The following FNDC3B variants were observed in gnomAD, a reference collection of about 807,000 sequenced individuals.
The protein encoded by FNDC3B is fibronectin type III domain containing 3B.
In FNDC3B, 12 loss-of-function variants were observed where a neutral mutation model predicts 151.5. The ratio of observed to expected loss-of-function variants is 0.08; its 90% CI spans 0.05 to 0.13. The LOEUF (loss-of-function observed/expected upper bound fraction) is 0.13, where lower values mean the gene tolerates loss of function less well. FNDC3B is among the 10% of genes least tolerant of loss of function. The probability of loss-of-function intolerance (pLI) is 1.00; values close to 1 mark genes in which losing one functional copy is unlikely to be tolerated. For synonymous variants in FNDC3B, 528 were observed against 549.0 expected (o/e 0.96, Z 0.54); for missense variants, 1,214 against 1,505.3 (o/e 0.81, Z 3.20).
At chr3:172,317,237 G>C (rs769275327) in intron 11 of FNDC3B, 47 of 429,306 alleles carry the variant, frequency 1.1e-4, no homozygotes, top group South Asian at 7.4e-4. Context: ...AGGCTGGAGT[G>C]CAGTGGTGCG....
intron 25 of FNDC3B, among the ~76,000 whole-genome samples, chr3:172,385,342 G>T (rs949602538): frequency 6.6e-6 from 1 of 152,126 alleles, no homozygotes; most frequent in African/African-American, 2.4e-5. Context: ...GCACTAATCA[G>T]ACAGGACCCA....
At chr3:172,243,212 C>T (rs1005408764) in intron 4 of FNDC3B, among the ~76,000 whole-genome samples, 1 of 152,204 alleles carries the variant, frequency 6.6e-6, no homozygotes, top group African/African-American at 2.4e-5. Context: ...TCTTCTGAGC[C>T]CTCCAAATTG....
chr3:172,245,387 C>G (rs570575195), intron 4 of FNDC3B, among the ~76,000 whole-genome samples: 3 of 152,052 alleles, frequency 2.0e-5, no homozygotes, highest in Non-Finnish European at 4.4e-5. Flanking sequence ...CTCTAGAAAA[C>G]AAGTACTTTA....
intron 2 of FNDC3B, among the ~76,000 whole-genome samples, chr3:172,115,947 T>C (rs1054304998): frequency 2.0e-5 from 3 of 152,198 alleles, no homozygotes; most frequent in South Asian, 2.1e-4. Flanking sequence ...CCCTCCTCCT[T>C]CTGATTTCTG....
At chr3:172,298,140 C>A (rs1730733691) in intron 8 of FNDC3B, among the ~76,000 whole-genome samples, 1 of 152,160 alleles carries the variant, frequency 6.6e-6, no homozygotes, top group Admixed American at 6.5e-5. Context: ...TGCACACACA[C>A]CTTTAACCTT....
At chr3:172,396,791 C>A (rs1357706548) in intron 25 of FNDC3B, among the ~76,000 whole-genome samples, 1 of 152,218 alleles carries the variant, frequency 6.6e-6, no homozygotes, top group Admixed American at 6.5e-5. Context: ...CTACCCCTGT[C>A]CGTGGAAAAC....
chr3:172,191,565 T>C (rs1463100776), intron 3 of FNDC3B, among the ~76,000 whole-genome samples: 1 of 152,136 alleles, frequency 6.6e-6, no homozygotes, highest in Non-Finnish European at 1.5e-5. Flanking sequence ...GGTGTGATGA[T>C]GGCTCACTGC....
intron 6 of FNDC3B, among the ~76,000 whole-genome samples, chr3:172,269,999 T>C (rs563480839): frequency 7.2e-5 from 11 of 152,358 alleles, no homozygotes; most frequent in African/African-American, 2.6e-4. Flanking sequence ...TCTTAGTCAC[T>C]TGAGTGGCAA....
At chr3:172,240,691 A>G (rs58504958) in intron 4 of FNDC3B, among the ~76,000 whole-genome samples, 22,617 of 152,104 alleles carry the variant, frequency 0.15, 1,826 homozygotes, top group Middle Eastern at 0.21. Flanking sequence ...CAGGGATGCC[A>G]ATACCTAATT....
In FNDC3B at chr3:172,367,417, A is replaced by G. The variant is rs1338117831; in HGVS notation, c.3008+4572A>G. Among the ~76,000 whole-genome samples the G allele has an allele frequency of 2.6e-5, 4 of 152,338 alleles. No homozygotes were observed. The East Asian group carries it at 7.7e-4, about 29-fold the overall frequency. ...AAAACAGACAGCAGACAGCAAAACAAAAATTAAATTAGTTTGGCCTTAGAG... is the reference window on the plus strand; with the variant it reads ...AAAACAGACAGCAGACAGCAAAACAGAAATTAAATTAGTTTGGCCTTAGAG... On this transcript the variant is annotated intron_variant, in intron 23 of 25. Transcript: ENST00000415807.
At chr3:172,275,697 A>G (rs1245817319) in intron 6 of FNDC3B, among the ~76,000 whole-genome samples, 2 of 152,210 alleles carry the variant, frequency 1.3e-5, no homozygotes, top group East Asian at 1.9e-4. Context: ...CCGTATAGAC[A>G]TTTCTTGCCT....
intron 11 of FNDC3B, among the ~76,000 whole-genome samples, chr3:172,327,053 T>C (rs1413030193): frequency 6.6e-6 from 1 of 152,024 alleles, no homozygotes; most frequent in African/African-American, 2.4e-5. Flanking sequence ...TCCCATAGAG[T>C]GTGATCGGAT....
At chr3:172,329,160 A>C in intron 12 of FNDC3B, 84 bp downstream of exon 12, 3 of 1,448,122 alleles carry the variant, frequency 2.1e-6, no homozygotes, top group Non-Finnish European at 2.8e-6. Context: ...AGGCATGAGG[A>C]AGCCTGCTGC....
chr3:172,135,681 G>A (rs1363788108), intron 3 of FNDC3B, among the ~76,000 whole-genome samples: 1 of 152,088 alleles, frequency 6.6e-6, no homozygotes, highest in East Asian at 1.9e-4. Context: ...CTAGGGTTTC[G>A]GAAGCACTGG....
At chr3:172,097,692 T>C (rs1215902078) in intron 1 of FNDC3B, among the ~76,000 whole-genome samples, 2 of 152,262 alleles carry the variant, frequency 1.3e-5, no homozygotes, top group African/African-American at 4.8e-5. Flanking sequence ...TGTGTATACA[T>C]ATATAATCTG....
chr3:172,379,096 T>C (rs985304719), intron 24 of FNDC3B, among the ~76,000 whole-genome samples: 1 of 152,174 alleles, frequency 6.6e-6, no homozygotes, highest in Non-Finnish European at 1.5e-5. Context: ...CCTCAGCCTG[T>C]TATATAGCCA....
At chr3:172,262,595 T>A (rs1289714048) in intron 6 of FNDC3B, among the ~76,000 whole-genome samples, 1 of 152,012 alleles carries the variant, frequency 6.6e-6, no homozygotes, top group Non-Finnish European at 1.5e-5. Flanking sequence ...TTGAGAATTT[T>A]TTTTTTTATT....
chr3:172,337,480 TAGTG>T (rs1733045743), intron 16 of FNDC3B, 79 bp downstream of exon 16: 4 of 888,796 alleles, frequency 4.5e-6, no homozygotes, highest in Non-Finnish European at 7.5e-6. Flanking sequence ...TTTATAGTAA[TAGTG>T]AGTAATCATT....
chr3:172,207,261 G>T (rs1225731119), intron 3 of FNDC3B, among the ~76,000 whole-genome samples: 2 of 151,894 alleles, frequency 1.3e-5, no homozygotes, highest in South Asian at 2.1e-4. Flanking sequence ...ACTTCTGTTG[G>T]GTATTACTTT....
Sources: gnomAD v4.1 joint callset for allele counts (sites outside exome capture counted in the v4.1 genomes callset) on GRCh38, gnomAD v4.1.1 for gene constraint, MANE v1.5 for transcripts, NCBI Gene and HGNC (gene_info 2026-07-23, HGNC 2026-07-21) for gene names.